The following CEP152 variants were observed in gnomAD, a reference collection of about 807,000 sequenced individuals.
CEP152 encodes centrosomal protein of 152 kDa.
A neutral mutation model predicts 188.9 loss-of-function variants in CEP152; 132 were observed. That is an observed-to-expected ratio of 0.70 (90% CI 0.61 to 0.81). The LOEUF (loss-of-function observed/expected upper bound fraction) is 0.81. Ranked by LOEUF, CEP152 falls within the 30% of genes least tolerant of loss-of-function variation. The pLI, the probability that CEP152 is intolerant of heterozygous loss-of-function variation, is 0.00. For synonymous variants in CEP152, 649 were observed against 666.6 expected (o/e 0.97, Z 0.41); for missense variants, 1,914 against 1,969.8 (o/e 0.97, Z 0.54).
intron 19 of CEP152, 145 bp from the exon 20 acceptor site, chr15:48,756,698 T>A: frequency 1.3e-6 from 1 of 772,336 alleles, no homozygotes; most frequent in Non-Finnish European, 2.0e-6. Context: ...GATAAGACAT[T>A]ATTCTAAAAA....
chr15:48,802,095 A>G (rs1897700848), intron 2 of CEP152, among the ~76,000 whole-genome samples: 1 of 152,162 alleles, frequency 6.6e-6, no homozygotes, highest in Non-Finnish European at 1.5e-5. Context: ...ATCTCAAAAA[A>G]AAAAAAAAAG....
intron 8 of CEP152, among the ~76,000 whole-genome samples, chr15:48,790,394 C>CT (rs1896923054): frequency 2.0e-5 from 3 of 152,162 alleles, no homozygotes; most frequent in Non-Finnish European, 4.4e-5. Context: ...TATGGGCTAC[C>CT]TTACATATAA....
intron 22 of CEP152, among the ~76,000 whole-genome samples, chr15:48,746,829 G>A (rs1477406676): frequency 6.6e-6 from 1 of 152,142 alleles, no homozygotes; most frequent in Non-Finnish European, 1.5e-5. Flanking sequence ...TATAACAGGA[G>A]GACTAAACAG....
At chr15:48,734,822 G>C (rs1413703796), downstream of CEP152, among the ~76,000 whole-genome samples, 1 of 152,040 alleles carries the variant, frequency 6.6e-6, no homozygotes, top group Admixed American at 6.6e-5. Flanking sequence ...CATCTGAAAG[G>C]CATAACAGAT....
chr15:48,772,776 G>A (rs1895654288), intron 12 of CEP152, 85 bp from the exon 13 acceptor site: 1 of 1,169,550 alleles, frequency 8.6e-7, no homozygotes, highest in Non-Finnish European at 1.3e-6. Flanking sequence ...CCACAGTGGT[G>A]AACATGTTTT....
chr15:48,764,159 T>C (rs1894893779), intron 17 of CEP152, among the ~76,000 whole-genome samples: 1 of 152,230 alleles, frequency 6.6e-6, no homozygotes, highest in Admixed American at 6.5e-5. Context: ...CTTCTAAAGT[T>C]AGTACCACAT....
At chr15:48,741,231 G>A (rs1276731512) in intron 26 of CEP152, 1 of 1,107,326 alleles carries the variant, frequency 9.0e-7, no homozygotes, top group Non-Finnish European at 1.1e-6. Context: ...CTGGGATCAA[G>A]GGATCCTCCC....
At chr15:48,756,844 T>A (rs1894316502) in intron 19 of CEP152, among the ~76,000 whole-genome samples, 1 of 152,172 alleles carries the variant, frequency 6.6e-6, no homozygotes, top group Admixed American at 6.5e-5. Flanking sequence ...TTACTTTTCT[T>A]AATACAGATA....
chr15:48,734,507 T>C (rs753066616), downstream of CEP152, among the ~76,000 whole-genome samples: 2 of 149,822 alleles, frequency 1.3e-5, no homozygotes, highest in Non-Finnish European at 3.0e-5. Context: ...AGTAACCAAA[T>C]AGCAAAATGG....
At chr15:48,748,015 T>G (rs1438560469) in intron 22 of CEP152, among the ~76,000 whole-genome samples, 1 of 152,176 alleles carries the variant, frequency 6.6e-6, no homozygotes, top group Non-Finnish European at 1.5e-5. Flanking sequence ...GAATTAACAA[T>G]CCTCTTTCTG....
chr15:48,796,298 AC>A, intron 5 of CEP152, 138 bp from the exon 6 acceptor site: 2 of 658,036 alleles, frequency 3.0e-6, no homozygotes, highest in Non-Finnish European at 5.4e-6. Flanking sequence ...ATACACACAC[AC>A]ACACACACAC....
chr15:48,794,518 T>A (rs1162717248), intron 6 of CEP152, among the ~76,000 whole-genome samples: 1 of 152,192 alleles, frequency 6.6e-6, no homozygotes, highest in Non-Finnish European at 1.5e-5. Context: ...CATCTCCAAA[T>A]TTTTTAAATT....
intron 11 of CEP152, among the ~76,000 whole-genome samples, chr15:48,781,852 C>A (rs1359932508): frequency 6.6e-6 from 1 of 152,118 alleles, no homozygotes; most frequent in Non-Finnish European, 1.5e-5. Context: ...ATTCCCCACC[C>A]CCATAGATGA....
chr15:48,799,344 G>A (rs1300194877), intron 2 of CEP152, among the ~76,000 whole-genome samples: 1 of 152,104 alleles, frequency 6.6e-6, no homozygotes, highest in Non-Finnish European at 1.5e-5. Flanking sequence ...TTTATGGAAG[G>A]TCTGAAAGGA....
At chr15:48,800,487 C>T (rs917754302) in intron 2 of CEP152, among the ~76,000 whole-genome samples, 1 of 152,066 alleles carries the variant, frequency 6.6e-6, no homozygotes, top group African/African-American at 2.4e-5. Context: ...GGTCACTAAC[C>T]TTGTGCAATA....
At chr15:48,752,492 T>C in intron 20 of CEP152, 23 bp from the exon 21 acceptor site, 1 of 1,611,940 alleles carries the variant, frequency 6.2e-7, no homozygotes, top group Non-Finnish European at 8.5e-7. Context: ...ATCTTCAAAG[T>C]TAATGCTTAG....
Position 48,744,050 on chromosome 15 carries a change from T to C in CEP152, c.3835+190A>G, listed in dbSNP as rs562745765. ...CGATTCTCACATCACTTCCAAAAGA[T>C]ATTATTTGGGAAAAATGATCAATGA... On this transcript the variant is annotated intron_variant, in intron 24 of 26. Transcript: ENST00000380950. 2.6e-5 allele frequency among the ~76,000 whole-genome samples: 4 copies of C among 152,292 alleles called. No individual in the cohort carries two copies. In the East Asian group the frequency reaches 7.7e-4, roughly 29 times the overall value.
intron 9 of CEP152, among the ~76,000 whole-genome samples, chr15:48,784,915 T>C (rs1896523854): frequency 6.6e-6 from 1 of 152,032 alleles, no homozygotes; most frequent in East Asian, 1.9e-4. Flanking sequence ...GAGTCCTGAG[T>C]CCAGGTAGAA....
At chr15:48,742,367 CAT>C (rs1280925264) in intron 24 of CEP152, among the ~76,000 whole-genome samples, 1 of 152,068 alleles carries the variant, frequency 6.6e-6, no homozygotes, top group East Asian at 1.9e-4. Context: ...TAAATTTTGT[CAT>C]ATTCTAAAAC....
Sources: allele counts gnomAD v4.1 joint callset (sites outside exome capture counted in the v4.1 genomes callset), GRCh38; gene constraint gnomAD v4.1.1; transcripts MANE v1.5; gene names NCBI Gene and HGNC (gene_info 2026-07-23, HGNC 2026-07-21).